SLC24A3: variants seen among roughly 807,000 people sequenced by gnomAD.
The protein encoded by SLC24A3 is solute carrier family 24 member 3.
SLC24A3 carries 28 observed loss-of-function variants against 75.8 expected under a neutral mutation model. The observed-to-expected ratio is 0.37, with a 90% CI of 0.27 to 0.51. The LOEUF is 0.51. Among genes scored for constraint, SLC24A3 ranks in the 20% least tolerant of loss-of-function variants. The pLI, the probability that SLC24A3 is intolerant of heterozygous loss-of-function variation, is 0.94. For missense variants in SLC24A3, 663 were observed against 847.8 expected (o/e 0.78, Z 2.71); for synonymous variants, 372 against 334.1 (o/e 1.11, Z -1.24).
At chr20:19,577,301 C>T (rs757394831) in intron 3 of SLC24A3, among the ~76,000 whole-genome samples, 4 of 152,214 alleles carry the variant, frequency 2.6e-5, no homozygotes, top group South Asian at 2.1e-4. Flanking sequence ...GTGATCTGCC[C>T]GCCTCGGCCT....
chr20:19,643,365 A>T (rs6046223), intron 6 of SLC24A3, among the ~76,000 whole-genome samples: 98,080 of 152,014 alleles, frequency 0.65, 32,543 homozygotes, highest in African/African-American at 0.77. Context: ...ACAATCAACT[A>T]TTCTTCTTCG....
rs1981444236 is a variant in SLC24A3, at chr20:19,212,903, G to T, written c.61G>T (p.Asp21Tyr). The T allele has an allele frequency of 7.5e-7, 1 of 1,337,162 alleles. No individual in the cohort carries two copies. Among genetic ancestry groups the T allele is most frequent in the Non-Finnish European group, 9.6e-7 (1 of 1,039,684 alleles). 82.8% of individuals were successfully genotyped at this position (1,337,162 alleles called of 1,614,324 possible). Residue 21 changes from aspartate to tyrosine, a missense_variant, in exon 1 of 17, where the codon GAC becomes TAC. Asp to Tyr is a radical substitution (Grantham distance 160, BLOSUM62 -3). This residue lies in a region of SLC24A3 where 153 missense variants were observed against 144.2 expected (regional missense o/e 1.06). Transcript: ENST00000328041. ...CCGCCGCCGCCGCCGCCGCCGGAGG[G>T]ACCTTCTGCTGAGCCAGCTCTGCTT... ...RRRRRRRRRR[D>Y]LLLSQLCFLA...
intron 2 of SLC24A3, among the ~76,000 whole-genome samples, chr20:19,369,777 C>G (rs1985960035): frequency 6.6e-6 from 1 of 152,082 alleles, no homozygotes; most frequent in South Asian, 2.1e-4. Context: ...GGGCACAATA[C>G]CTGTATTGGG....
chr20:19,561,772 T>C (rs2030878270), intron 3 of SLC24A3, among the ~76,000 whole-genome samples: 1 of 152,202 alleles, frequency 6.6e-6, no homozygotes, highest in Non-Finnish European at 1.5e-5. Context: ...GTTGGCACTA[T>C]TATTTTTCCC....
At chr20:19,578,263 C>CGTGT (rs61675241) in intron 3 of SLC24A3, among the ~76,000 whole-genome samples, 6 of 150,648 alleles carry the variant, frequency 4.0e-5, no homozygotes, top group Admixed American at 2.0e-4. Flanking sequence ...TCATTTGGGA[C>CGTGT]GTGTGTGTGT....
intron 2 of SLC24A3, among the ~76,000 whole-genome samples, chr20:19,375,713 G>A (rs1468949149): frequency 2.0e-5 from 3 of 152,170 alleles, no homozygotes; most frequent in African/African-American, 4.8e-5. Context: ...GGGGCCAGGC[G>A]CCCAGCCCTC....
At chr20:19,465,598 A>T (rs1987751960) in intron 2 of SLC24A3, among the ~76,000 whole-genome samples, 1 of 152,140 alleles carries the variant, frequency 6.6e-6, no homozygotes, top group South Asian at 2.1e-4. Context: ...CTCATGCATG[A>T]GTCTGGGGGC....
intron 3 of SLC24A3, among the ~76,000 whole-genome samples, chr20:19,535,492 C>A (rs1334655227): frequency 6.6e-6 from 1 of 152,196 alleles, no homozygotes; most frequent in East Asian, 1.9e-4. Flanking sequence ...CAATTAGAAG[C>A]TGCAGGTCAT....
At chr20:19,683,787 A>G (rs779959870) in intron 10 of SLC24A3, among the ~76,000 whole-genome samples, 2 of 152,224 alleles carry the variant, frequency 1.3e-5, no homozygotes, top group Non-Finnish European at 2.9e-5. Context: ...TCAGTGAATG[A>G]GGCTTAAATT....
chr20:19,257,204 G>C, intron 1 of SLC24A3, among the ~76,000 whole-genome samples: 1 of 152,294 alleles, frequency 6.6e-6, no homozygotes, highest in Middle Eastern at 3.4e-3. Flanking sequence ...CACATAAGGC[G>C]AGCCCAGGAG....
intron 6 of SLC24A3, among the ~76,000 whole-genome samples, chr20:19,638,515 G>A (rs2032028063): frequency 6.6e-6 from 1 of 152,166 alleles, no homozygotes; most frequent in East Asian, 1.9e-4. Context: ...AAGAAAGGAG[G>A]AGTGGAGTGA....
chr20:19,302,024 A>G (rs778411719), intron 2 of SLC24A3, among the ~76,000 whole-genome samples: 23 of 152,226 alleles, frequency 1.5e-4, no homozygotes, highest in Non-Finnish European at 2.9e-4. Flanking sequence ...GGCTCTAGCT[A>G]CAGAATCACC....
intron 7 of SLC24A3, among the ~76,000 whole-genome samples, chr20:19,659,347 T>A (rs1482125487): frequency 1.3e-5 from 2 of 152,156 alleles, no homozygotes; most frequent in Non-Finnish European, 2.9e-5. Context: ...TATGAGAGAG[T>A]TCAGCTGATT....
At chr20:19,482,069 G>C (rs752314663) in intron 2 of SLC24A3, among the ~76,000 whole-genome samples, 23 of 152,160 alleles carry the variant, frequency 1.5e-4, no homozygotes, top group South Asian at 1.2e-3. Flanking sequence ...TGCTTCATTG[G>C]CCTCCAATAC....
intron 2 of SLC24A3, among the ~76,000 whole-genome samples, chr20:19,429,465 A>G (rs1263758240): frequency 1.3e-5 from 2 of 152,234 alleles, no homozygotes; most frequent in African/African-American, 4.8e-5. Context: ...GTAAATGCAG[A>G]GGTAATACAC....
At chr20:19,419,583 T>G (rs918591925) in intron 2 of SLC24A3, among the ~76,000 whole-genome samples, 14 of 152,254 alleles carry the variant, frequency 9.2e-5, no homozygotes, top group African/African-American at 3.1e-4. Flanking sequence ...ATCTGTCATG[T>G]GGACCGTCTC....
intron 1 of SLC24A3, chr20:19,261,739 T>C (rs1405943815): frequency 6.6e-6 from 1 of 152,216 alleles, no homozygotes; most frequent in Admixed American, 6.5e-5. Context: ...GGAAGAAGTT[T>C]ATGCATTCGT....
intron 2 of SLC24A3, among the ~76,000 whole-genome samples, chr20:19,459,586 C>T (rs751061065): frequency 6.6e-6 from 1 of 152,162 alleles, no homozygotes; most frequent in Admixed American, 6.5e-5. Context: ...TTCAATAGAA[C>T]CTTCATACTA....
intron 1 of SLC24A3, among the ~76,000 whole-genome samples, chr20:19,263,633 TTTCCCTGCC>T (rs1983066483): frequency 1.3e-5 from 2 of 152,192 alleles, no homozygotes; most frequent in South Asian, 4.1e-4. Context: ...TCCTCTCTCC[TTTCCCTGCC>T]TTCCCTTACC....
Sources: allele counts gnomAD v4.1 joint callset (sites outside exome capture counted in the v4.1 genomes callset), GRCh38; gene constraint gnomAD v4.1.1; regional missense constraint gnomAD v4.1.1; transcripts MANE v1.5; gene names NCBI Gene and HGNC (gene_info 2026-07-23, HGNC 2026-07-21).